Variants in TNR observed in about 807,000 individuals in gnomAD.
TNR encodes the protein tenascin R, also known as tenascin-R.
TNR carries 45 observed loss-of-function variants against 150.4 expected under a neutral mutation model. The ratio of observed to expected loss-of-function variants is 0.30; its 90% CI spans 0.24 to 0.38. The LOEUF is 0.38. TNR is among the 10% of genes least tolerant of loss of function. The pLI, the probability that TNR is intolerant of heterozygous loss-of-function variation, is 1.00. For synonymous variants in TNR, 687 were observed against 678.4 expected, an observed-to-expected ratio of 1.01 and a Z score of -0.20; for missense variants, 1,544 against 1,759.1, an observed-to-expected ratio of 0.88 and a Z score of 2.19.
At chr1:175,520,866 G>GA (rs139750944) in intron 2 of TNR, among the ~76,000 whole-genome samples, 3,386 of 152,072 alleles carry the variant, frequency 0.022, 55 homozygotes, top group African/African-American at 0.054. Context: ...CCTCTTCTCT[G>GA]CTTTTTCCTC....
intron 1 of TNR, among the ~76,000 whole-genome samples, chr1:175,620,908 C>A (rs1302663484): frequency 5.9e-5 from 9 of 152,196 alleles, no homozygotes; most frequent in Non-Finnish European, 1.3e-4. Context: ...TGTTTAGTCT[C>A]ATACTTACCT....
intron 1 of TNR, among the ~76,000 whole-genome samples, chr1:175,668,967 G>A (rs1329647594): frequency 6.6e-6 from 1 of 152,134 alleles, no homozygotes; most frequent in East Asian, 1.9e-4. Flanking sequence ...CAGTGTGTTG[G>A]GCCTCTACAA....
chr1:175,386,176 C>T lies in TNR; in HGVS notation c.1633G>A (p.Gly545Ser), dbSNP rs1652916677. ...LLKYGLVGGE[G>S]GRTTFRLQPP... Reference sequence around the variant, plus strand: ...TGCAGCCGGAAGGTGGTCCTCCCACCTTCCCCGCCCACCAGGCCATATTTC... The same window carrying T: ...TGCAGCCGGAAGGTGGTCCTCCCACTTTCCCCGCCCACCAGGCCATATTTC... The change falls in exon 8 of 23, where the codon GGT becomes AGT. Residue 545 changes from glycine to serine, a missense_variant. Transcript: ENST00000367674. 3 of 1,612,772 alleles carry T rather than the reference C, an allele frequency of 1.9e-6. No homozygotes were observed. The highest frequency in any genetic ancestry group is 1.1e-5 in the South Asian group (1 of 91,004).
At chr1:175,323,846 G>A (rs991975234) in intron 22 of TNR, among the ~76,000 whole-genome samples, 6 of 152,134 alleles carry the variant, frequency 3.9e-5, no homozygotes, top group South Asian at 2.1e-4. Context: ...AGACTTAGGC[G>A]GTTTCTACCT....
chr1:175,685,093 C>T (rs1666149572), intron 1 of TNR, among the ~76,000 whole-genome samples: 1 of 152,180 alleles, frequency 6.6e-6, no homozygotes, highest in African/African-American at 2.4e-5. Context: ...ATACTTTCCA[C>T]ATTCTGGATA....
At chr1:175,551,492 C>T (rs1660933890) in intron 1 of TNR, among the ~76,000 whole-genome samples, 1 of 152,174 alleles carries the variant, frequency 6.6e-6, no homozygotes, top group South Asian at 2.1e-4. Context: ...AAAAGGGTTA[C>T]TGGGGTGCCA....
chr1:175,365,595 TA>T (rs1294096033), intron 11 of TNR, among the ~76,000 whole-genome samples: 6 of 152,338 alleles, frequency 3.9e-5, no homozygotes, highest in African/African-American at 1.4e-4. Context: ...CCCACTGATT[TA>T]CTGCAGCAGG....
At chr1:175,324,545 C>T in intron 21 of TNR, 26 bp from the exon 22 acceptor site, 2 of 1,609,326 alleles carry the variant, frequency 1.2e-6, no homozygotes, top group South Asian at 1.1e-5. Flanking sequence ...ATTCATTAGG[C>T]TGTCCCATTT....
intron 1 of TNR, among the ~76,000 whole-genome samples, chr1:175,684,549 G>A (rs1666130868): frequency 6.6e-6 from 1 of 152,176 alleles, no homozygotes; most frequent in Non-Finnish European, 1.5e-5. Flanking sequence ...CGTTACACAG[G>A]TGGTGGGTGA....
At chr1:175,469,117 CAGTTTGAGGCTTATTG>C (rs1657162397) in intron 2 of TNR, among the ~76,000 whole-genome samples, 1 of 151,992 alleles carries the variant, frequency 6.6e-6, no homozygotes, top group Non-Finnish European at 1.5e-5. Flanking sequence ...ACATTGAGCT[CAGTTTGAGGCTTATTG>C]AGTCTGACGG....
At chr1:175,561,759 T>A (rs919533891) in intron 1 of TNR, among the ~76,000 whole-genome samples, 1 of 152,242 alleles carries the variant, frequency 6.6e-6, no homozygotes, top group Non-Finnish European at 1.5e-5. Context: ...GAATGATTCG[T>A]ATTCATTTCT....
At chr1:175,417,125 A>C (rs919114743) in intron 2 of TNR, among the ~76,000 whole-genome samples, 1 of 151,860 alleles carries the variant, frequency 6.6e-6, no homozygotes, top group Non-Finnish European at 1.5e-5. Flanking sequence ...TCTAGTTGAG[A>C]AGACTAGGCT....
At chr1:175,636,490 CTCCTTTGA>C (rs1664495573) in intron 1 of TNR, among the ~76,000 whole-genome samples, 1 of 152,110 alleles carries the variant, frequency 6.6e-6, no homozygotes, top group South Asian at 2.1e-4. Context: ...AGGTCCCAGG[CTCCTTTGA>C]TTCTTTACCA....
chr1:175,618,466 A>G (rs543712349), intron 1 of TNR, among the ~76,000 whole-genome samples: 1 of 152,306 alleles, frequency 6.6e-6, no homozygotes, highest in Non-Finnish European at 1.5e-5. Flanking sequence ...TCCTGGACTC[A>G]ACTGAATGCA....
At chr1:175,355,758 T>C in intron 16 of TNR, 125 bp from the exon 17 acceptor site, 3 of 1,369,232 alleles carry the variant, frequency 2.2e-6, no homozygotes, top group Non-Finnish European at 3.0e-6. Context: ...TGACCCCTGC[T>C]CTGGCTTGGA....
At chr1:175,740,740 G>T (rs560391784) in intron 1 of TNR, among the ~76,000 whole-genome samples, 17 of 152,262 alleles carry the variant, frequency 1.1e-4, no homozygotes, top group Admixed American at 2.6e-4. Flanking sequence ...TCTATAGGTG[G>T]TCAGAGCCCA....
Position 175,665,793 on chromosome 1 carries a change from G to A in TNR, c.-165+77433C>T, listed in dbSNP as rs576759033. On this transcript the variant is annotated intron_variant, in intron 1 of 22. Coordinates refer to ENST00000367674, the MANE Select transcript of TNR (RefSeq NM_003285.3). The stretch of plus-strand genomic sequence containing the variant: ...AGTCCTAAGTGTTTTATAGTTCAGC[G>A]AGGAAGTCAGGAGGCAGTTAGGTCA... 7.2e-4 allele frequency among the ~76,000 whole-genome samples: 109 copies of A among 152,298 alleles called. 2 individuals carry two copies. The highest frequency in any genetic ancestry group is 3.4e-3 in the Middle Eastern group (1 of 294).
chr1:175,662,777 G>A (rs1177371050), intron 1 of TNR, among the ~76,000 whole-genome samples: 3 of 152,178 alleles, frequency 2.0e-5, no homozygotes, highest in Non-Finnish European at 4.4e-5. Context: ...GGCCGAGAAG[G>A]CCTATTACTG....
At chr1:175,376,411 CAG>C (rs766931036) in intron 9 of TNR, among the ~76,000 whole-genome samples, 9 of 152,118 alleles carry the variant, frequency 5.9e-5, no homozygotes, top group Non-Finnish European at 1.2e-4. Flanking sequence ...GATGAAGAAA[CAG>C]AGGTTTAGAA....
Sources: gnomAD v4.1 joint callset for allele counts (sites outside exome capture counted in the v4.1 genomes callset) on GRCh38, gnomAD v4.1.1 for gene constraint, MANE v1.5 for transcripts, NCBI Gene and HGNC (gene_info 2026-07-23, HGNC 2026-07-21) for gene names.